CNTNAP2: variants seen among roughly 807,000 people sequenced by gnomAD.
The protein encoded by CNTNAP2 is contactin associated protein 2, also known as contactin-associated protein-like 2.
Under a neutral mutation model 155.2 loss-of-function variants are expected in CNTNAP2, and 98 were observed. That is an observed-to-expected ratio of 0.63 (90% CI 0.54 to 0.75). The LOEUF is 0.75. CNTNAP2 is among the 30% of genes least tolerant of loss of function. The pLI is 0.00. For synonymous variants in CNTNAP2, 651 were observed against 631.2 expected (o/e 1.03, Z -0.47); for missense variants, 1,727 against 1,688.1 (o/e 1.02, Z -0.40).
At chr7:147,597,937 C>A (rs960523810) in intron 12 of CNTNAP2, among the ~76,000 whole-genome samples, 4 of 152,178 alleles carry the variant, frequency 2.6e-5, no homozygotes, top group Non-Finnish European at 5.9e-5. Context: ...AAACAATGCT[C>A]AGTACTTTCA....
chr7:148,104,131 G>T (rs1804158532), intron 15 of CNTNAP2, among the ~76,000 whole-genome samples: 1 of 152,022 alleles, frequency 6.6e-6, no homozygotes, highest in South Asian at 2.1e-4. Flanking sequence ...TTGCACTATG[G>T]GTTATCTTGA....
chr7:147,473,709 C>T (rs1282581296), intron 10 of CNTNAP2, among the ~76,000 whole-genome samples: 1 of 152,104 alleles, frequency 6.6e-6, no homozygotes, highest in African/African-American at 2.4e-5. Flanking sequence ...ATATTTATGC[C>T]TATGTAGATA....
chr7:146,267,644 C>T (rs1482938438), intron 1 of CNTNAP2, among the ~76,000 whole-genome samples: 2 of 152,130 alleles, frequency 1.3e-5, no homozygotes, highest in East Asian at 3.9e-4. Flanking sequence ...GGTGAAAGCG[C>T]CAGCTAATGA....
chr7:146,129,158 C>T (rs1248847592), intron 1 of CNTNAP2, among the ~76,000 whole-genome samples: 2 of 152,022 alleles, frequency 1.3e-5, no homozygotes, highest in Admixed American at 6.6e-5. Context: ...GAGGCATTTT[C>T]GTTTTACAGA....
At chr7:147,465,544 T>C (rs974960580) in intron 10 of CNTNAP2, among the ~76,000 whole-genome samples, 1 of 152,348 alleles carries the variant, frequency 6.6e-6, no homozygotes, top group East Asian at 1.9e-4. Flanking sequence ...GCTACTGACA[T>C]AGAAACATTT....
In CNTNAP2 at chr7:147,649,824, A is replaced by T. The variant is rs189504314; in HGVS notation, c.2098+10518A>T. On this transcript the variant is annotated intron_variant, in intron 13 of 23. Transcript: ENST00000361727. ...TACTACTTACTCTGCCATTCTGAATAAAAAAAGGGATAATCATAAAAAGTC... is the reference window on the plus strand; with the variant it reads ...TACTACTTACTCTGCCATTCTGAATTAAAAAAGGGATAATCATAAAAAGTC... Among the ~76,000 whole-genome samples the T allele has an allele frequency of 2.2e-3, 342 of 152,142 alleles. 5 individuals are homozygous for T. The highest frequency in any genetic ancestry group is 0.022 in the Admixed American group (339 of 15,274).
intron 14 of CNTNAP2, among the ~76,000 whole-genome samples, chr7:147,950,363 G>GA (rs1800903771): frequency 6.0e-5 from 1 of 16,604 alleles, no homozygotes; most frequent in Admixed American, 1.5e-3. Context: ...ACATAGAGAG[G>GA]CAAAAAAAAA....
chr7:147,624,059 T>C (rs988506961), intron 12 of CNTNAP2, among the ~76,000 whole-genome samples: 3 of 152,134 alleles, frequency 2.0e-5, no homozygotes, highest in Admixed American at 2.0e-4. Context: ...AATGTTCATA[T>C]GCGGAAGAAT....
intron 1 of CNTNAP2, among the ~76,000 whole-genome samples, chr7:146,464,743 G>C (rs964311053): frequency 6.6e-6 from 1 of 152,034 alleles, no homozygotes; most frequent in Non-Finnish European, 1.5e-5. Context: ...CTAGCACCAC[G>C]CTTAGCACAC....
At chr7:146,364,575 A>C (rs1795129605) in intron 1 of CNTNAP2, among the ~76,000 whole-genome samples, 1 of 152,224 alleles carries the variant, frequency 6.6e-6, no homozygotes, top group African/African-American at 2.4e-5. Flanking sequence ...AAATTATAAG[A>C]ATCAAATATA....
In CNTNAP2 at chr7:146,928,997, C is replaced by T. The variant is rs561662263; in HGVS notation, c.402+89093C>T. Among the ~76,000 whole-genome samples the T allele has an allele frequency of 2.8e-3, 428 of 152,360 alleles. 3 individuals are homozygous for T. The highest frequency in any genetic ancestry group is 0.017 in the Middle Eastern group (5 of 294). ...GCCTGCCTGCCTCTGTAGGCTCCAC[C>T]TCTGGGGGCAGGGCACAGACAAACT... On this transcript the variant is annotated intron_variant, in intron 3 of 23. Coordinates refer to ENST00000361727, the MANE Select transcript of CNTNAP2 (RefSeq NM_014141.6).
intron 1 of CNTNAP2, among the ~76,000 whole-genome samples, chr7:146,229,624 G>T (rs1799351967): frequency 6.6e-6 from 1 of 151,958 alleles, no homozygotes; most frequent in Admixed American, 6.6e-5. Context: ...CCCAACTATG[G>T]AAACTTCAGT....
chr7:148,068,060 A>G (rs1585108224), intron 15 of CNTNAP2, among the ~76,000 whole-genome samples: 2 of 152,238 alleles, frequency 1.3e-5, no homozygotes, highest in East Asian at 3.9e-4. Context: ...GTCTTGTCCC[A>G]GACTACAAGC....
intron 3 of CNTNAP2, among the ~76,000 whole-genome samples, chr7:146,919,662 C>T (rs77638610): frequency 0.013 from 1,962 of 152,268 alleles, 33 homozygotes; most frequent in African/African-American, 0.043. Flanking sequence ...TGCTTTTGCT[C>T]GCCTCCAGCC....
chr7:147,059,768 G>A (rs193291500), intron 4 of CNTNAP2, among the ~76,000 whole-genome samples: 301 of 152,194 alleles, frequency 2.0e-3, no homozygotes, highest in Middle Eastern at 6.8e-3. Flanking sequence ...TGACAAAACC[G>A]AAGTTGAAGA....
At chr7:147,043,280 T>A (rs77710423) in intron 3 of CNTNAP2, among the ~76,000 whole-genome samples, 9,048 of 150,068 alleles carry the variant, frequency 0.06, 341 homozygotes, top group Middle Eastern at 0.14. Flanking sequence ...AAAATAAAAT[T>A]AAAAAAAAAG....
At chr7:146,337,476 A>G (rs1186644264) in intron 1 of CNTNAP2, among the ~76,000 whole-genome samples, 3 of 152,114 alleles carry the variant, frequency 2.0e-5, no homozygotes, top group African/African-American at 4.8e-5. Flanking sequence ...TTTACTTTTT[A>G]GAGACAGCGT....
At chr7:146,676,166 G>A (rs1800394916) in intron 1 of CNTNAP2, among the ~76,000 whole-genome samples, 2 of 151,896 alleles carry the variant, frequency 1.3e-5, no homozygotes, top group South Asian at 4.1e-4. Flanking sequence ...TCATAAATCA[G>A]TTTGTTTATG....
intron 17 of CNTNAP2, among the ~76,000 whole-genome samples, chr7:148,171,590 T>C (rs62471736): frequency 0.28 from 42,620 of 151,974 alleles, 6,104 homozygotes; most frequent in Middle Eastern, 0.41. Context: ...AACGTGCTTA[T>C]TGTGCTATAT....
Sources: allele counts gnomAD v4.1 joint callset (sites outside exome capture counted in the v4.1 genomes callset), GRCh38; gene constraint gnomAD v4.1.1; transcripts MANE v1.5; gene names NCBI Gene and HGNC (gene_info 2026-07-23, HGNC 2026-07-21).